CACNA2D3: variants seen among roughly 807,000 people sequenced by gnomAD.
The protein encoded by CACNA2D3 is voltage-dependent calcium channel subunit alpha-2/delta-3.
CACNA2D3 carries 60 observed loss-of-function variants against 160.6 expected under a neutral mutation model. The ratio of observed to expected loss-of-function variants is 0.37; its 90% confidence interval spans 0.30 to 0.46. CACNA2D3 has a LOEUF of 0.46. Among genes scored for constraint, CACNA2D3 ranks in the 20% least tolerant of loss-of-function variants. The pLI is 1.00. For missense variants in CACNA2D3, 1,205 were observed against 1,365.0 expected, an observed-to-expected ratio of 0.88 and a Z score of 1.85; for synonymous variants, 558 against 492.9, an observed-to-expected ratio of 1.13 and a Z score of -1.75.
At chr3:54,618,375 GCACACACACACACACACA>G (rs56788185) in intron 9 of CACNA2D3, among the ~76,000 whole-genome samples, 1 of 115,514 alleles carries the variant, frequency 8.7e-6, no homozygotes, top group African/African-American at 3.4e-5. Flanking sequence ...ATATATATAT[GCACACACACACACACACA>G]CACACACACA....
intron 27 of CACNA2D3, among the ~76,000 whole-genome samples, chr3:54,934,059 T>A (rs1325092292): frequency 6.6e-6 from 1 of 152,166 alleles, no homozygotes; most frequent in Non-Finnish European, 1.5e-5. Context: ...GCATGAGCCA[T>A]TGTGCCCATC....
At chr3:54,637,660 G>A (rs1699407945) in intron 10 of CACNA2D3, 1 of 151,938 alleles carries the variant, frequency 6.6e-6, no homozygotes, top group Admixed American at 6.5e-5. Flanking sequence ...TGATTAAGAA[G>A]GGGACGGACT....
rs1433504871 is a variant in CACNA2D3 at position 54,811,379 on chromosome 3, C to A, written c.1381-5474C>A. Among the ~76,000 whole-genome samples, 3 of 150,468 alleles carry A rather than the reference C, an allele frequency of 2.0e-5. No homozygotes were observed. In the East Asian group the frequency reaches 6.0e-4, roughly 30 times the overall value. The stretch of plus-strand genomic sequence containing the variant: ...TCTCTTCTATCATGATCCAGGCTAT[C>A]ATCTCGATTCTCAACTCTACCTGGG... On this transcript the variant is annotated intron_variant, in intron 13 of 37. Coordinates refer to ENST00000474759, the MANE Select transcript of CACNA2D3 (RefSeq NM_018398.3).
At chr3:54,159,725 A>C (rs1410019569) in intron 2 of CACNA2D3, among the ~76,000 whole-genome samples, 3 of 152,196 alleles carry the variant, frequency 2.0e-5, no homozygotes, top group Non-Finnish European at 4.4e-5. Flanking sequence ...TAAAAATCTA[A>C]TTTGACCAAT....
At chr3:54,948,921 T>TG (rs972099141) in intron 27 of CACNA2D3, among the ~76,000 whole-genome samples, 42 of 152,346 alleles carry the variant, frequency 2.8e-4, no homozygotes, top group African/African-American at 1.0e-3. Context: ...TGGGGATGGT[T>TG]GGAAATACAT....
intron 11 of CACNA2D3, among the ~76,000 whole-genome samples, chr3:54,668,186 T>C (rs1437055318): frequency 6.6e-6 from 1 of 152,162 alleles, no homozygotes; most frequent in Non-Finnish European, 1.5e-5. Context: ...CCTTAAATAT[T>C]AGTAAGAAGT....
intron 17 of CACNA2D3, among the ~76,000 whole-genome samples, chr3:54,864,154 A>G (rs1458106157): frequency 2.0e-5 from 3 of 152,140 alleles, no homozygotes; most frequent in Admixed American, 6.5e-5. Context: ...ATATCCTCCC[A>G]TACCACAAGG....
intron 27 of CACNA2D3, among the ~76,000 whole-genome samples, chr3:54,941,320 A>G (rs933416021): frequency 6.6e-6 from 1 of 152,230 alleles, no homozygotes; most frequent in Non-Finnish European, 1.5e-5. Flanking sequence ...ATAATCTAAT[A>G]TGACTGAATT....
intron 4 of CACNA2D3, among the ~76,000 whole-genome samples, chr3:54,452,461 T>C (rs912538543): frequency 6.6e-5 from 10 of 152,220 alleles, no homozygotes; most frequent in South Asian, 2.1e-4. Context: ...TTCTGTAAGA[T>C]GATAGTAGCT....
At chr3:54,286,312 T>C (rs1178113365) in intron 2 of CACNA2D3, among the ~76,000 whole-genome samples, 1 of 152,072 alleles carries the variant, frequency 6.6e-6, no homozygotes, top group Non-Finnish European at 1.5e-5. Context: ...TGCGATCAAC[T>C]GGAAGAAAGG....
chr3:54,292,270 C>G (rs1703226297), intron 2 of CACNA2D3, among the ~76,000 whole-genome samples: 2 of 151,798 alleles, frequency 1.3e-5, no homozygotes, highest in Non-Finnish European at 2.9e-5. Context: ...TTGGATTTGG[C>G]AATGAATTCT....
At chr3:54,614,535 C>G (rs1228018288) in intron 9 of CACNA2D3, among the ~76,000 whole-genome samples, 1 of 152,196 alleles carries the variant, frequency 6.6e-6, no homozygotes, top group African/African-American at 2.4e-5. Flanking sequence ...CCATGTTACA[C>G]TTTTCTTCTT....
At chr3:54,469,905 A>C (rs1338930023) in intron 4 of CACNA2D3, among the ~76,000 whole-genome samples, 1 of 152,058 alleles carries the variant, frequency 6.6e-6, no homozygotes, top group East Asian at 1.9e-4. Context: ...AGAAGGCAAA[A>C]AGCCTCCAAG....
chr3:54,200,147 G>A (rs953787786), intron 2 of CACNA2D3, among the ~76,000 whole-genome samples: 1 of 152,244 alleles, frequency 6.6e-6, no homozygotes, highest in Non-Finnish European at 1.5e-5. Flanking sequence ...AGTGGCTGAA[G>A]TCTGGAAAAT....
chr3:54,167,582 A>G (rs1349599490), intron 2 of CACNA2D3, among the ~76,000 whole-genome samples: 1 of 152,196 alleles, frequency 6.6e-6, no homozygotes, highest in Admixed American at 6.5e-5. Context: ...TCTTTGATGT[A>G]GTGCAAAGCC....
At chr3:54,668,978 A>T (rs889306728) in intron 11 of CACNA2D3, among the ~76,000 whole-genome samples, 1 of 152,214 alleles carries the variant, frequency 6.6e-6, no homozygotes, top group South Asian at 2.1e-4. Flanking sequence ...AGCCTAGGTC[A>T]TGTTCCTTTT....
At chr3:54,833,071 A>T (rs957044940) in intron 14 of CACNA2D3, among the ~76,000 whole-genome samples, 1 of 152,212 alleles carries the variant, frequency 6.6e-6, no homozygotes, top group Non-Finnish European at 1.5e-5. Flanking sequence ...ATGAGCCTAC[A>T]TGCATGATTA....
At chr3:54,365,054 T>C (rs910515743) in intron 3 of CACNA2D3, among the ~76,000 whole-genome samples, 1 of 152,216 alleles carries the variant, frequency 6.6e-6, no homozygotes, top group Admixed American at 6.5e-5. Flanking sequence ...CTGAGGTTTG[T>C]CATCTGAAAT....
chr3:55,020,932 A>C (rs72866972), intron 35 of CACNA2D3, among the ~76,000 whole-genome samples: 1 of 152,052 alleles, frequency 6.6e-6, no homozygotes, highest in East Asian at 1.9e-4. Flanking sequence ...TTTATGCTCA[A>C]AAAGGAGAGT....
Sources: gnomAD v4.1 joint callset for allele counts (sites outside exome capture counted in the v4.1 genomes callset) on GRCh38, gnomAD v4.1.1 for gene constraint, MANE v1.5 for transcripts, NCBI Gene and HGNC (gene_info 2026-07-23, HGNC 2026-07-21) for gene names.